The following KIF1A variants were observed in gnomAD, a reference collection of about 807,000 sequenced individuals.
KIF1A encodes the protein kinesin-like protein KIF1A.
A neutral mutation model predicts 227.3 loss-of-function variants in KIF1A; 46 were observed. The ratio of observed to expected loss-of-function variants is 0.20; its 90% CI spans 0.16 to 0.26. The LOEUF (loss-of-function observed/expected upper bound fraction) is 0.26, where lower values mean the gene tolerates loss of function less well. Ranked by LOEUF, KIF1A falls within the 10% of genes least tolerant of loss-of-function variation. KIF1A has a pLI of 1.00. For missense variants in KIF1A, 1,683 were observed against 2,485.9 expected (o/e 0.68, Z 6.87); for synonymous variants, 1,022 against 1,012.8 (o/e 1.01, Z -0.17).
Position 240,765,875 on chromosome 2 carries a change from C to A in KIF1A, c.1685-82G>T, listed in dbSNP as rs1018777130. 3 of 969,428 alleles carry A rather than the reference C, an allele frequency of 3.1e-6. No homozygotes were observed. In the African/African-American group the frequency reaches 4.8e-5, roughly 16 times the overall value. 60.1% of individuals were successfully genotyped at this position (969,428 alleles called of 1,614,324 possible). ...CAGCTCGGCTTACCTGGCCCCCGGG[C>A]ATGGCCTCTTCCAAGCCTCTCGCCT... is the stretch of plus-strand genomic sequence containing the variant. On this transcript the variant is annotated intron_variant, in intron 19 of 48. Coordinates refer to ENST00000498729, the MANE Select transcript of KIF1A (RefSeq NM_001244008.2).
rs772261807 is a variant in KIF1A, at chr2:240,719,872, C to G, written c.4923G>C (p.Glu1641Asp). ...GGGAAGGGAGCTTCTTGGAGTCGGC[C>G]TCTGGCAGCAGCTCGGGCTCTGGGC... ...PASPEPELLP[E>D]ADSKKLPSPA... is the part of the protein sequence containing the mutation. The change falls in exon 46 of 49, where the codon GAG (glutamate) becomes GAC (aspartate). Residue 1641 changes from glutamate (E) to aspartate (D), a missense_variant. Around this residue, in one of 12 missense-constraint regions of KIF1A, gnomAD observed 384 missense variants for 410.1 expected, o/e 0.94. Coordinates refer to ENST00000498729, the MANE Select transcript of KIF1A (RefSeq NM_001244008.2). 5 of 1,612,026 alleles carry G rather than the reference C, an allele frequency of 3.1e-6. No individual in the cohort carries two copies. Among genetic ancestry groups the G allele is most frequent in the Non-Finnish European group, 3.4e-6 (4 of 1,179,496 alleles).
At chr2:240,813,030 C>A (rs1415801111) in intron 1 of KIF1A, among the ~76,000 whole-genome samples, 1 of 152,194 alleles carries the variant, frequency 6.6e-6, no homozygotes, top group Non-Finnish European at 1.5e-5. Flanking sequence ...GCCTTCACCT[C>A]AAGGATCCAC....
At position 240,778,508 on chromosome 2, in the gene KIF1A, C is replaced by T. The variant is rs1245729742; in HGVS notation, c.883-2582G>A. On this transcript the variant is annotated intron_variant, in intron 10 of 48. Coordinates refer to ENST00000498729, the MANE Select transcript of KIF1A (RefSeq NM_001244008.2). The surrounding 1 kb of genome is among the most constrained non-coding windows in gnomAD (Gnocchi z 7.2). ...GCAGGCGCTCGCAGCTCCCGCACAG[C>T]GTTACACACACACACACACACACAC... 1.2e-5 allele frequency among the ~76,000 whole-genome samples: 1 copy of T among 81,214 alleles called. No individual in the cohort carries two copies. The highest frequency in any genetic ancestry group is 2.4e-5 in the Non-Finnish European group (1 of 42,006). The allele number at this position is 81,214 out of a possible 152,430, so 53.3% of individuals were successfully genotyped here. A position where few individuals can be genotyped will look rare whatever the true frequency, so the allele number is the denominator to read the frequency against.
chr2:240,794,598 AT>A lies in KIF1A; in HGVS notation c.106+3048del, dbSNP rs1559536479. On this transcript the variant is annotated intron_variant, in intron 2 of 48. Coordinates refer to ENST00000498729, the MANE Select transcript of KIF1A (RefSeq NM_001244008.2). ...CTTCAGCAGCTCCCAGCTGGCGGGC[AT>A]TTGGGCGGTTGCCCCGGGCTTGGTA... Among the ~76,000 whole-genome samples, 12 of 152,370 alleles carry A rather than the reference AT, an allele frequency of 7.9e-5. No homozygotes were observed. In the South Asian group the frequency reaches 2.5e-3, roughly 32 times the overall value.
chr2:240,735,037 T>C (rs1364419211), intron 38 of KIF1A, among the ~76,000 whole-genome samples: 1 of 152,140 alleles, frequency 6.6e-6, no homozygotes, highest in Non-Finnish European at 1.5e-5. Context: ...GCACCGTCCA[T>C]GGCACAGGAA....
chr2:240,770,847 G>A (rs2051864289), intron 15 of KIF1A, 124 bp downstream of exon 15: 2 of 1,228,850 alleles, frequency 1.6e-6, no homozygotes, highest in Non-Finnish European at 2.2e-6. Context: ...AGAGGCTCCT[G>A]CTGATGCTCC....
Position 240,717,102 on chromosome 2 carries a change from C to T in KIF1A, c.*262G>A. ...AGAACGGCAGCAAGAACCCCCGTAA[C>T]CTGTGCCCTTGGCCCCCCCAGCCTC... is the stretch of plus-strand genomic sequence containing the variant. On this transcript the variant is annotated 3_prime_UTR_variant, in exon 49 of 49. Coordinates refer to ENST00000498729, the MANE Select transcript of KIF1A (RefSeq NM_001244008.2). 2.1e-6 allele frequency: 1 copy of T among 471,762 alleles called. No individual in the cohort carries two copies. Among genetic ancestry groups the T allele is most frequent in the Non-Finnish European group, 3.8e-6 (1 of 265,416 alleles). 29.2% of individuals were successfully genotyped at this position (471,762 alleles called of 1,614,324 possible).
At chr2:240,779,484 T>C (rs868837563) in intron 10 of KIF1A, among the ~76,000 whole-genome samples, 1 of 136,460 alleles carries the variant, frequency 7.3e-6, no homozygotes, top group East Asian at 2.2e-4. Flanking sequence ...ACTCAGTTCC[T>C]CACTCAGTTC....
chr2:240,819,611 C>T (rs979779258), intron 1 of KIF1A, among the ~76,000 whole-genome samples: 1 of 151,850 alleles, frequency 6.6e-6, no homozygotes, highest in Non-Finnish European at 1.5e-5. Context: ...TGCGCGCTCT[C>T]CCCTCGGGCC....
At chr2:240,727,191 TGCCCCAGCTGTCACGCTGAG>T (rs1266280969) in intron 38 of KIF1A, among the ~76,000 whole-genome samples, 62 of 152,124 alleles carry the variant, frequency 4.1e-4, no homozygotes, top group African/African-American at 1.4e-3. Context: ...CCACAAATGG[TGCCCCAGCTGTCACGCTGAG>T]GCTGGAAGGA....
Position 240,739,108 on chromosome 2 carries a change from T to C in KIF1A, c.3901+950A>G, listed in dbSNP as rs2047676407. 1.3e-5 allele frequency among the ~76,000 whole-genome samples: 2 copies of C among 152,216 alleles called. No homozygotes were observed. The highest frequency in any genetic ancestry group is 4.1e-4 in the South Asian group (2 of 4,826). On this transcript the variant is annotated intron_variant, in intron 37 of 48. Transcript: ENST00000498729. The surrounding 1 kb of genome is among the most constrained non-coding windows in gnomAD (Gnocchi z 5.6). ...TGTAAAACATAAGCATGTATCCTGG[T>C]GTACCTGGAACCTCCTGTCTACAGT...
intron 2 of KIF1A, among the ~76,000 whole-genome samples, chr2:240,791,154 C>T (rs1157723946): frequency 6.6e-6 from 1 of 152,118 alleles, no homozygotes; most frequent in East Asian, 1.9e-4. Context: ...GGGCCACGTC[C>T]GTGCTATGGC....
intron 32 of KIF1A, 112 bp downstream of exon 32, chr2:240,745,315 G>T: frequency 1.2e-6 from 1 of 859,054 alleles, no homozygotes; most frequent in Non-Finnish European, 1.9e-6. Flanking sequence ...CGGTGCACAA[G>T]GCAGTCCTGG....
Position 240,771,136 on chromosome 2 carries a change from C to T in KIF1A, c.1208-32G>A, listed in dbSNP as rs754867415. 91 of 1,612,836 alleles carry T rather than the reference C, an allele frequency of 5.6e-5. No homozygotes were observed. The highest frequency in any genetic ancestry group is 1.8e-4 in the East Asian group (8 of 44,876). ...AGAGAGGGTCAGGGGCTTCATTCAC[C>T]GTCCCGCCACGGTTAAGGTTATTGT... is the stretch of plus-strand genomic sequence containing the variant. On this transcript the variant is annotated intron_variant, in intron 14 of 48. Coordinates refer to ENST00000498729, the MANE Select transcript of KIF1A (RefSeq NM_001244008.2).
Position 240,744,028 on chromosome 2 carries a change from C to T in KIF1A, c.3498G>A (p.Glu1166=). 1 of 1,613,708 alleles carries T rather than the reference C, an allele frequency of 6.2e-7. No individual in the cohort carries two copies. Among genetic ancestry groups the T allele is most frequent in the African/African-American group, 1.3e-5 (1 of 75,032 alleles). Residue 1166 remains glutamate, a synonymous_variant, in exon 33 of 49, where the codon GAG becomes GAA. Transcript: ENST00000498729. The part of the protein sequence containing the change: ...IAVEVTKSFI[E]YIKSQPIVFE... ...AAACAATGGGCTGGCTCTTGATGTA[C>T]TCAATGAAGGACTTGGTCACCTCCA... is the stretch of plus-strand genomic sequence containing the variant.
chr2:240,771,469 C>G (rs1185105014), intron 14 of KIF1A, among the ~76,000 whole-genome samples: 1 of 152,106 alleles, frequency 6.6e-6, no homozygotes, highest in African/African-American at 2.4e-5. Context: ...CTCCCCTGCA[C>G]CCCCTGCGCC....
chr2:240,725,569 C>T lies in KIF1A; in HGVS notation c.4123-165G>A. ...CGCAGGCAGGAGAAAGTCTCTGCTC[C>T]TGCCCTCGAGAAAACCCCACTGGGG... On this transcript the variant is annotated intron_variant, in intron 39 of 48. Transcript: ENST00000498729. The surrounding 1 kb of genome is among the most constrained non-coding windows in gnomAD (Gnocchi z 5.8). The T allele has an allele frequency of 2.8e-6, 2 of 708,538 alleles. No homozygotes were observed. The highest frequency in any genetic ancestry group is 1.9e-5 in the South Asian group (1 of 51,314). 43.9% of individuals were successfully genotyped at this position (708,538 alleles called of 1,614,324 possible).
chr2:240,728,199 G>A (rs2046247273), intron 38 of KIF1A, among the ~76,000 whole-genome samples: 1 of 152,206 alleles, frequency 6.6e-6, no homozygotes, highest in African/African-American at 2.4e-5. Context: ...AGTCGGGGGT[G>A]TGGAAGGAAG....
intron 1 of KIF1A, among the ~76,000 whole-genome samples, chr2:240,806,300 G>T (rs1159129831): frequency 4.6e-5 from 7 of 152,332 alleles, no homozygotes; most frequent in African/African-American, 1.7e-4. Context: ...TTGCACCGGG[G>T]TACACTTGAG....
Sources: gnomAD v4.1 joint callset for allele counts (sites outside exome capture counted in the v4.1 genomes callset) on GRCh38, gnomAD v4.1.1 for gene constraint, gnomAD v4.1.1 regional missense constraint, Gnocchi (gnomAD v3.1) non-coding constraint, MANE v1.5 for transcripts, NCBI Gene and HGNC (gene_info 2026-07-23, HGNC 2026-07-21) for gene names.